The following TAF4B variants were observed in gnomAD, a reference collection of about 807,000 sequenced individuals.
TAF4B encodes TATA-box binding protein associated factor 4b.
A neutral mutation model predicts 86.4 loss-of-function variants in TAF4B; 38 were observed. The ratio of observed to expected loss-of-function variants is 0.44; its 90% confidence interval spans 0.34 to 0.58. TAF4B has a LOEUF of 0.58. TAF4B is among the 20% of genes least tolerant of loss of function. The pLI is 0.02. For missense variants in TAF4B, 988 were observed against 1,027.6 expected (o/e 0.96, Z 0.53); for synonymous variants, 388 against 391.2 (o/e 0.99, Z 0.10).
intron 14 of TAF4B, among the ~76,000 whole-genome samples, chr18:26,372,638 G>A (rs969884791): frequency 1.3e-5 from 2 of 152,038 alleles, no homozygotes; most frequent in Admixed American, 6.6e-5. Flanking sequence ...TTGCCTATCC[G>A]TTATGTTAAT....
intron 14 of TAF4B, among the ~76,000 whole-genome samples, chr18:26,371,130 A>G (rs2057403375): frequency 6.6e-6 from 1 of 152,178 alleles, no homozygotes; most frequent in South Asian, 2.1e-4. Context: ...AACAAAACAG[A>G]ATGTTAAAAA....
chr18:26,272,559 G>A (rs1022566941), intron 3 of TAF4B, among the ~76,000 whole-genome samples: 1 of 151,966 alleles, frequency 6.6e-6, no homozygotes, highest in Non-Finnish European at 1.5e-5. Context: ...ACGATAGGAC[G>A]TTTTTCCTAA....
At chr18:26,235,667 G>A (rs1459203253) in intron 1 of TAF4B, among the ~76,000 whole-genome samples, 1 of 152,222 alleles carries the variant, frequency 6.6e-6, no homozygotes, top group African/African-American at 2.4e-5. Flanking sequence ...GATGTGGGAT[G>A]TGTGGTCTGT....
At chr18:26,346,873 A>ATATGTG (rs1555623695) in intron 13 of TAF4B, among the ~76,000 whole-genome samples, 1 of 12,298 alleles carries the variant, frequency 8.1e-5, no homozygotes, top group African/African-American at 2.0e-4. Context: ...ATATATATAT[A>ATATGTG]TGTGTATATA....
At chr18:26,297,546 A>G (rs1625493) in intron 9 of TAF4B, among the ~76,000 whole-genome samples, 54,133 of 152,058 alleles carry the variant, frequency 0.36, 11,789 homozygotes, top group East Asian at 0.81. Context: ...GTTGGGTATG[A>G]CATGAGTGAC....
At chr18:26,283,981 G>C (rs1228948016) in intron 6 of TAF4B, among the ~76,000 whole-genome samples, 1 of 151,998 alleles carries the variant, frequency 6.6e-6, no homozygotes, top group Non-Finnish European at 1.5e-5. Flanking sequence ...TTGAATCCAG[G>C]AGGCAGAGGT....
At chr18:26,342,738 C>G (rs2144709493) in intron 13 of TAF4B, among the ~76,000 whole-genome samples, 1 of 152,292 alleles carries the variant, frequency 6.6e-6, no homozygotes, top group East Asian at 1.9e-4. Flanking sequence ...CTTCTACTTC[C>G]TATCATAGAG....
At chr18:26,334,446 A>G (rs767841056) in intron 12 of TAF4B, among the ~76,000 whole-genome samples, 5 of 152,218 alleles carry the variant, frequency 3.3e-5, no homozygotes, top group Non-Finnish European at 7.3e-5. Context: ...GGATATACGT[A>G]TCCCAAACAT....
intron 13 of TAF4B, among the ~76,000 whole-genome samples, chr18:26,336,950 G>A (rs2057096950): frequency 1.3e-5 from 2 of 152,078 alleles, no homozygotes; most frequent in Admixed American, 6.5e-5. Context: ...TTAGTATGTT[G>A]TTTAATAATT....
chr18:26,269,222 C>CACAA (rs748809665), intron 3 of TAF4B, among the ~76,000 whole-genome samples: 33,187 of 151,980 alleles, frequency 0.22, 4,328 homozygotes, highest in Non-Finnish European at 0.3. Context: ...ACAAAGTCCT[C>CACAA]CAGTGAGTGT....
intron 1 of TAF4B, among the ~76,000 whole-genome samples, chr18:26,229,961 A>AT (rs2055639402): frequency 1.3e-5 from 2 of 150,260 alleles, no homozygotes; most frequent in South Asian, 2.1e-4. Context: ...GGTTTAAAAA[A>AT]AAAATATATA....
At chr18:26,297,928 T>C (rs1487368971) in intron 9 of TAF4B, among the ~76,000 whole-genome samples, 7 of 152,114 alleles carry the variant, frequency 4.6e-5, no homozygotes, top group African/African-American at 1.7e-4. Flanking sequence ...ACTAGTTTCC[T>C]AAATGGTTAT....
intron 1 of TAF4B, among the ~76,000 whole-genome samples, chr18:26,257,596 A>G (rs1248687279): frequency 4.0e-5 from 6 of 151,848 alleles, no homozygotes; most frequent in Non-Finnish European, 5.9e-5. Context: ...TTTGTTTCCT[A>G]TATGTTTCTT....
chr18:26,288,401 G>A (rs1218957224), intron 7 of TAF4B, among the ~76,000 whole-genome samples: 7 of 152,126 alleles, frequency 4.6e-5, no homozygotes, highest in East Asian at 1.9e-4. Context: ...TTGGGAGGCC[G>A]AGGCGGGCGG....
intron 10 of TAF4B, among the ~76,000 whole-genome samples, chr18:26,318,070 T>C (rs1408051435): frequency 6.6e-6 from 1 of 152,224 alleles, no homozygotes; most frequent in Non-Finnish European, 1.5e-5. Context: ...TCTTGCTCTG[T>C]TGCCCAGGCT....
chr18:26,336,469 G>C (rs2057092667), intron 13 of TAF4B, among the ~76,000 whole-genome samples: 2 of 152,174 alleles, frequency 1.3e-5, no homozygotes, highest in South Asian at 4.1e-4. Context: ...CATTAACATA[G>C]AGAAGGAAAA....
intron 9 of TAF4B, among the ~76,000 whole-genome samples, chr18:26,311,472 T>A (rs368729307): frequency 6.6e-6 from 1 of 151,686 alleles, no homozygotes; most frequent in African/African-American, 2.4e-5. Context: ...CTGTCTCTAC[T>A]AAAAAAAATA....
Position 26,292,360 on chromosome 18 carries a change from C to T in TAF4B, c.1705C>T (p.Pro569Ser). The T allele has an allele frequency of 1.2e-6, 2 of 1,613,686 alleles. No homozygotes were observed. The highest frequency in any genetic ancestry group is 1.1e-5 in the South Asian group (1 of 90,960). The change falls in exon 8 of 15, where the codon CCT becomes TCT. Residue 569 changes from proline (P) to serine (S), a missense_variant. Pro to Ser is a moderately conservative substitution (Grantham distance 74, BLOSUM62 -1). This residue lies in a region of TAF4B where 747 missense variants were observed against 737.9 expected (regional missense o/e 1.01). Transcript: ENST00000269142. The stretch of plus-strand genomic sequence containing the variant: ...GACGATGCCAGTGAACACCATAATA[C>T]CTACTAGTCAGTTTCCTCCAGGTAG... ...QKTMPVNTII[P>S]TSQFPPASIL...
At chr18:26,356,612 G>A (rs552192289) in intron 13 of TAF4B, among the ~76,000 whole-genome samples, 191 of 152,186 alleles carry the variant, frequency 1.3e-3, no homozygotes, top group African/African-American at 4.3e-3. Flanking sequence ...ACTTTCAGTT[G>A]ACTGTCTTGA....
Sources: gnomAD v4.1 joint callset for allele counts (sites outside exome capture counted in the v4.1 genomes callset) on GRCh38, gnomAD v4.1.1 for gene constraint, gnomAD v4.1.1 regional missense constraint, MANE v1.5 for transcripts, NCBI Gene and HGNC (gene_info 2026-07-23, HGNC 2026-07-21) for gene names.